The following WWOX variants were observed in gnomAD, a reference collection of about 807,000 sequenced individuals.
WWOX encodes the protein WW domain-containing oxidoreductase.
In WWOX, 69 loss-of-function variants were observed where a neutral mutation model predicts 46.2. The observed-to-expected ratio is 1.49, with a 90% CI of 1.23 to 1.82. WWOX has a LOEUF of 1.82. Among genes scored for constraint, WWOX ranks in the 40% most tolerant of loss-of-function variants. WWOX has a pLI of 0.00. For synonymous variants in WWOX, 359 were observed against 202.6 expected, an observed-to-expected ratio of 1.77 and a Z score of -6.56; for missense variants, 919 against 542.6, an observed-to-expected ratio of 1.69 and a Z score of -6.89.
intron 8 of WWOX, among the ~76,000 whole-genome samples, chr16:78,885,274 C>T (rs1416770141): frequency 6.6e-6 from 1 of 150,746 alleles, no homozygotes; most frequent in Non-Finnish European, 1.5e-5. Flanking sequence ...TGCCTTCTTC[C>T]ATCTGTATTT....
chr16:78,542,329 C>A (rs937448004), intron 8 of WWOX, among the ~76,000 whole-genome samples: 1 of 152,126 alleles, frequency 6.6e-6, no homozygotes, highest in East Asian at 1.9e-4. Flanking sequence ...ACCCTGTGTT[C>A]TGCAAGCTGG....
chr16:78,647,314 G>C (rs116199179), intron 8 of WWOX, among the ~76,000 whole-genome samples: 4,744 of 152,252 alleles, frequency 0.031, 268 homozygotes, highest in African/African-American at 0.11. Flanking sequence ...CGGCCCAGGC[G>C]AGGATGAGGA....
rs1046412623 is a variant in WWOX at position 79,150,318 on chromosome 16, C to G, written c.1057-61290C>G. 2.6e-5 allele frequency among the ~76,000 whole-genome samples: 4 copies of G among 152,182 alleles called. No homozygotes were observed. The East Asian group carries it at 7.7e-4, about 29-fold the overall frequency. ...ACACTAAACAAGGGATTTCACCTCT[C>G]TGACTCATGCATCAGGAACTTGGAG... On this transcript the variant is annotated intron_variant, in intron 8 of 8. Transcript: ENST00000566780.
intron 8 of WWOX, among the ~76,000 whole-genome samples, chr16:78,685,281 G>C (rs556461006): frequency 4.1e-4 from 62 of 152,262 alleles, no homozygotes; most frequent in African/African-American, 1.4e-3. Flanking sequence ...TGACTCAAGT[G>C]ATGAGGCCTG....
chr16:79,111,852 T>G (rs962988216), intron 8 of WWOX, among the ~76,000 whole-genome samples: 2 of 152,122 alleles, frequency 1.3e-5, no homozygotes, highest in African/African-American at 4.8e-5. Flanking sequence ...GGGGACAAAT[T>G]TATGTAACAG....
At chr16:78,159,984 A>G (rs1403655155) in intron 4 of WWOX, among the ~76,000 whole-genome samples, 1 of 151,170 alleles carries the variant, frequency 6.6e-6, no homozygotes, top group Non-Finnish European at 1.5e-5. Flanking sequence ...CTAGCCCTTT[A>G]TCAATTTTAT....
chr16:78,990,788 C>G (rs538589919), intron 8 of WWOX, among the ~76,000 whole-genome samples: 2 of 152,256 alleles, frequency 1.3e-5, no homozygotes, highest in African/African-American at 4.8e-5. Flanking sequence ...GCCAGGATCC[C>G]TCTGCTGTCT....
At chr16:78,710,498 A>ATTTTTT (rs1555520990) in intron 8 of WWOX, among the ~76,000 whole-genome samples, 7 of 132,820 alleles carry the variant, frequency 5.3e-5, no homozygotes, top group African/African-American at 2.0e-4. Flanking sequence ...ATATATATAT[A>ATTTTTT]TTTATATAAA....
chr16:78,404,172 G>C (rs1021346323), intron 6 of WWOX, among the ~76,000 whole-genome samples: 1 of 152,096 alleles, frequency 6.6e-6, no homozygotes, highest in Non-Finnish European at 1.5e-5. Context: ...CAGAGGGAGG[G>C]ACTCGGGGGT....
intron 8 of WWOX, among the ~76,000 whole-genome samples, chr16:78,484,016 T>C (rs918533432): frequency 2.0e-5 from 3 of 152,190 alleles, no homozygotes; most frequent in Admixed American, 2.0e-4. Flanking sequence ...ATAATTTTTG[T>C]TTTCTGTTAA....
At chr16:78,426,077 T>G (rs2083070890) in intron 7 of WWOX, among the ~76,000 whole-genome samples, 1 of 152,188 alleles carries the variant, frequency 6.6e-6, no homozygotes, top group Non-Finnish European at 1.5e-5. Flanking sequence ...CTTTTGCCAT[T>G]TTAAATTTAT....
At chr16:78,466,560 T>G (rs1315893891) in intron 8 of WWOX, among the ~76,000 whole-genome samples, 2 of 152,074 alleles carry the variant, frequency 1.3e-5, no homozygotes, top group East Asian at 1.9e-4. Context: ...CTGCGTGCAG[T>G]GGCTCACACC....
intron 6 of WWOX, among the ~76,000 whole-genome samples, chr16:78,424,483 T>A (rs2083029333): frequency 6.6e-6 from 1 of 152,198 alleles, no homozygotes; most frequent in South Asian, 2.1e-4. Flanking sequence ...TAAGGGCTAT[T>A]TTGATTTACA....
chr16:78,766,932 C>T (rs2049936835), intron 8 of WWOX, among the ~76,000 whole-genome samples: 1 of 152,086 alleles, frequency 6.6e-6, no homozygotes, highest in African/African-American at 2.4e-5. Flanking sequence ...AATAACTGCC[C>T]CTTCCTCACT....
At chr16:78,669,653 C>G (rs2047414870) in intron 8 of WWOX, among the ~76,000 whole-genome samples, 1 of 152,188 alleles carries the variant, frequency 6.6e-6, no homozygotes, top group South Asian at 2.1e-4. Context: ...AAATACGTCA[C>G]TTGTTTCTGT....
At chr16:79,062,816 G>A (rs1415601781) in intron 8 of WWOX, among the ~76,000 whole-genome samples, 1 of 152,126 alleles carries the variant, frequency 6.6e-6, no homozygotes, top group Admixed American at 6.6e-5. Flanking sequence ...CTTGAACAGT[G>A]CTTGAGAGTA....
At chr16:79,197,038 G>A (rs2051254414) in intron 8 of WWOX, among the ~76,000 whole-genome samples, 1 of 152,164 alleles carries the variant, frequency 6.6e-6, no homozygotes, top group Non-Finnish European at 1.5e-5. Flanking sequence ...GATATTTAGG[G>A]CTCATATTGA....
intron 6 of WWOX, among the ~76,000 whole-genome samples, chr16:78,406,303 A>T (rs866413597): frequency 1.3e-3 from 75 of 57,798 alleles, no homozygotes; most frequent in Middle Eastern, 0.021. Context: ...TATAAATATA[A>T]ATATATATAT....
At chr16:78,529,049 G>T (rs752255341) in intron 8 of WWOX, among the ~76,000 whole-genome samples, 1 of 150,264 alleles carries the variant, frequency 6.7e-6, no homozygotes, top group African/African-American at 2.5e-5. Context: ...GACCTCTCTG[G>T]CTCCAGTGAT....
Sources: allele counts gnomAD v4.1 joint callset (sites outside exome capture counted in the v4.1 genomes callset), GRCh38; gene constraint gnomAD v4.1.1; transcripts MANE v1.5; gene names NCBI Gene and HGNC (gene_info 2026-07-23, HGNC 2026-07-21).